ABCG1: variants seen among roughly 807,000 people sequenced by gnomAD.
The protein encoded by ABCG1 is ATP-binding cassette sub-family G member 1.
In ABCG1, 29 loss-of-function variants were observed where a neutral mutation model predicts 69.2. The observed-to-expected ratio is 0.42, with a 90% CI of 0.31 to 0.57. The LOEUF (loss-of-function observed/expected upper bound fraction) is 0.57, where lower values mean the gene tolerates loss of function less well. Among genes scored for constraint, ABCG1 ranks in the 20% least tolerant of loss-of-function variants. The pLI is 0.15. For synonymous variants in ABCG1, 370 were observed against 374.8 expected (o/e 0.99, Z 0.15); for missense variants, 718 against 898.1 (o/e 0.80, Z 2.56).
chr21:42,293,496 C>T lies in ABCG1; in HGVS notation c.1654-1046C>T, dbSNP rs567212422. 8.1e-3 allele frequency among the ~76,000 whole-genome samples: 1,197 copies of T among 147,316 alleles called. 82 individuals carry two copies. Among genetic ancestry groups the T allele is most frequent in the African/African-American group, 0.029 (1,105 of 38,686 alleles). ...TACACACCACACCACACACTACACA[C>T]ACATCACACTACACACTACCCACCA... On this transcript the variant is annotated intron_variant, in intron 13 of 14. Coordinates refer to ENST00000398449, the MANE Select transcript of ABCG1 (RefSeq NM_016818.3).
At chr21:42,280,644 G>T (rs958535032) in intron 5 of ABCG1, among the ~76,000 whole-genome samples, 7 of 152,222 alleles carry the variant, frequency 4.6e-5, no homozygotes, top group African/African-American at 1.7e-4. Context: ...AGTGGGGTGG[G>T]CCCAGCTCAT....
At chr21:42,255,274 G>A (rs1370898332) in intron 2 of ABCG1, among the ~76,000 whole-genome samples, 1 of 152,192 alleles carries the variant, frequency 6.6e-6, no homozygotes, top group African/African-American at 2.4e-5. Flanking sequence ...CACACAGGAT[G>A]TATGTACATG....
intron 2 of ABCG1, among the ~76,000 whole-genome samples, chr21:42,269,009 G>A (rs2068567929): frequency 6.6e-6 from 1 of 152,198 alleles, no homozygotes; most frequent in South Asian, 2.1e-4. Flanking sequence ...GGCCCTGCCT[G>A]CCCTGGACGG....
intron 2 of ABCG1, chr21:42,206,925 GTCT>G (rs1317521312): frequency 1.4e-5 from 2 of 139,224 alleles, no homozygotes; most frequent in Admixed American, 7.2e-5. Context: ...AATTCTTTCT[GTCT>G]TCTTCTATTG....
intron 6 of ABCG1, among the ~76,000 whole-genome samples, chr21:42,283,214 G>A (rs79592672): frequency 2.0e-5 from 3 of 152,168 alleles, no homozygotes; most frequent in African/African-American, 4.8e-5. Flanking sequence ...GCCTTCTGAG[G>A]GGGGGATGGC....
At chr21:42,272,784 G>GT (rs2068639159) in intron 3 of ABCG1, among the ~76,000 whole-genome samples, 2 of 152,226 alleles carry the variant, frequency 1.3e-5, no homozygotes, top group Admixed American at 6.5e-5. Context: ...ATTCTCCCTG[G>GT]TGGAGAAGGG....
intron 2 of ABCG1, among the ~76,000 whole-genome samples, chr21:42,210,666 A>G (rs938404855): frequency 6.6e-5 from 10 of 152,164 alleles, no homozygotes; most frequent in African/African-American, 2.4e-4. Context: ...CCCTGAAACC[A>G]TCTCTCATCA....
Position 42,220,114 on chromosome 21 carries a change from C to T in ABCG1, c.42+810C>T, listed in dbSNP as rs2067700105. On this transcript the variant is annotated intron_variant, in intron 1 of 14. Coordinates refer to ENST00000398449, the MANE Select transcript of ABCG1 (RefSeq NM_016818.3). ...GTTTTCTGGCATTAGGAACAAACAA[C>T]AAACCAATCATCAGGCCCCCAGCCA... The T allele has an allele frequency of 2.8e-6, 4 of 1,437,936 alleles. No homozygotes were observed. In the South Asian group the frequency reaches 5.0e-5, roughly 18 times the overall value. 89.1% of individuals were successfully genotyped at this position (1,437,936 alleles called of 1,614,324 possible). A position where few individuals can be genotyped will look rare whatever the true frequency, so the allele number is the denominator to read the frequency against.
chr21:42,228,663 T>C (rs768089087), intron 2 of ABCG1, among the ~76,000 whole-genome samples: 6 of 152,200 alleles, frequency 3.9e-5, no homozygotes, highest in Non-Finnish European at 8.8e-5. Context: ...CACAGGGCCT[T>C]ATGGGGTGCC....
chr21:42,235,616 G>A (rs2067968078), intron 2 of ABCG1, among the ~76,000 whole-genome samples: 2 of 152,312 alleles, frequency 1.3e-5, no homozygotes, highest in South Asian at 4.1e-4. Flanking sequence ...CAGGTTATAG[G>A]TAAATTTAAA....
rs78503903 is a variant in ABCG1, at chr21:42,203,492, G to A, written c.48+1769G>A. Among the ~76,000 whole-genome samples the A allele has an allele frequency of 8.1e-3, 1,229 of 152,072 alleles. 23 individuals are homozygous for A. Among genetic ancestry groups the A allele is most frequent in the African/African-American group, 0.028 (1,161 of 41,468 alleles). On this transcript the variant is annotated intron_variant, in intron 2 of 15. Transcript: ENST00000398457. Reference sequence around the variant, plus strand: ...AAGTCCAGTTTCTTTTTTTCTGCCCGTGGATACCCAAATGTGTCAGCAGCA... The same window carrying A: ...AAGTCCAGTTTCTTTTTTTCTGCCCATGGATACCCAAATGTGTCAGCAGCA...
chr21:42,257,469 G>T (rs1035064933), intron 2 of ABCG1, among the ~76,000 whole-genome samples: 3 of 152,212 alleles, frequency 2.0e-5, no homozygotes, highest in African/African-American at 4.8e-5. Context: ...AGCTCATTTG[G>T]CAGTGGGAGT....
intron 2 of ABCG1, among the ~76,000 whole-genome samples, chr21:42,262,088 G>T (rs565659522): frequency 6.6e-6 from 1 of 152,144 alleles, no homozygotes; most frequent in Non-Finnish European, 1.5e-5. Context: ...AACCAGGACT[G>T]GGGGGTTAAT....
chr21:42,295,946 G>A (rs536875573), intron 14 of ABCG1, among the ~76,000 whole-genome samples: 1 of 152,276 alleles, frequency 6.6e-6, no homozygotes, highest in South Asian at 2.1e-4. Context: ...GGGGGCCCTG[G>A]AGGAAACAAA....
upstream of ABCG1, among the ~76,000 whole-genome samples, chr21:42,215,445 C>T (rs1205362997): frequency 6.6e-6 from 1 of 152,182 alleles, no homozygotes; most frequent in African/African-American, 2.4e-5. Context: ...AGTTCTCTTC[C>T]CACAGACCTA....
At position 42,282,293 on chromosome 21, in the gene ABCG1, C is replaced by T. The variant is rs763851709; in HGVS notation, c.608C>T (p.Ala203Val). The change falls in exon 6 of 15, where the codon GCG (alanine) becomes GTG (valine). Residue 203 changes from alanine to valine, a missense_variant. Around this residue, in one of 2 missense-constraint regions of ABCG1, gnomAD observed 514 missense variants for 574.3 expected, o/e 0.90. Coordinates refer to ENST00000398449, the MANE Select transcript of ABCG1 (RefSeq NM_016818.3). ...RREMVKEILT[A>V]LGLLSCANTR... Reference sequence around the variant, plus strand: ...CCCCAGGTCAAGGAGATACTGACAGCGCTGGGCTTGCTGTCTTGCGCCAAC... The same window carrying T: ...CCCCAGGTCAAGGAGATACTGACAGTGCTGGGCTTGCTGTCTTGCGCCAAC... The T allele has an allele frequency of 1.7e-5, 27 of 1,611,494 alleles. No individual in the cohort carries two copies. The highest frequency in any genetic ancestry group is 1.6e-4 in the East Asian group (7 of 44,886).
chr21:42,219,788 G>GA lies in ABCG1; in HGVS notation c.42+486dup. 7.0e-7 allele frequency: 1 copy of GA among 1,423,238 alleles called. No homozygotes were observed. Among genetic ancestry groups the GA allele is most frequent in the Non-Finnish European group, 9.2e-7 (1 of 1,091,020 alleles). 88.2% of individuals were successfully genotyped at this position (1,423,238 alleles called of 1,614,324 possible). On this transcript the variant is annotated intron_variant, in intron 1 of 14. Transcript: ENST00000398449. This position sits in a 1 kb window ranked among gnomAD's most constrained non-coding sequence, Gnocchi z 5.3. ...CAGGAACGCCAGGCAAGGTCTGGGG[G>GA]AACAAAAGAGGAAGCTGCCCCCAGA...
In ABCG1 at chr21:42,202,408, G is replaced by T. The variant is rs118123958; in HGVS notation, c.48+685G>T. Among the ~76,000 whole-genome samples, 5 of 152,256 alleles carry T rather than the reference G, an allele frequency of 3.3e-5. No individual in the cohort carries two copies. The East Asian group carries it at 9.7e-4, about 29-fold the overall frequency. On this transcript the variant is annotated intron_variant, in intron 2 of 15. Transcript: ENST00000398457. Reference sequence around the variant, plus strand: ...GCAGAACTTTCTACACAACAATTCAGCACAGGAAGCATGGAGGAGTAAAGC... The same window carrying T: ...GCAGAACTTTCTACACAACAATTCATCACAGGAAGCATGGAGGAGTAAAGC...
rs1233187079 is a variant in ABCG1 at position 42,219,272 on chromosome 21, C to CT, written c.11dup (p.Met5AspfsTer31). 1 of 1,587,300 alleles carries CT rather than the reference C, an allele frequency of 6.3e-7. No individual in the cohort carries two copies. Among genetic ancestry groups the CT allele is most frequent in the Admixed American group, 1.7e-5 (1 of 57,966 alleles). ...CCGCCGCCCCCGGGGCATGGCCTGT[C>CT]TGATGGCCGCTTTCTCGGTCGGCAC... On this transcript the variant is annotated frameshift_variant, in exon 1 of 15. Coordinates refer to ENST00000398449, the MANE Select transcript of ABCG1 (RefSeq NM_016818.3). LOFTEE classifies it high-confidence loss of function. The surrounding 1 kb of genome is among the most constrained non-coding windows in gnomAD (Gnocchi z 5.3).
Sources: allele counts gnomAD v4.1 joint callset (sites outside exome capture counted in the v4.1 genomes callset), GRCh38; gene constraint gnomAD v4.1.1; regional missense constraint gnomAD v4.1.1; non-coding constraint Gnocchi (gnomAD v3.1); transcripts MANE v1.5; gene names NCBI Gene and HGNC (gene_info 2026-07-23, HGNC 2026-07-21).